The following RADIL variants were observed in gnomAD, a reference collection of about 807,000 sequenced individuals.
The protein encoded by RADIL is ras-associating and dilute domain-containing protein.
A neutral mutation model predicts 97.6 loss-of-function variants in RADIL; 99 were observed. The observed-to-expected ratio is 1.01, with a 90% CI of 0.86 to 1.20. The LOEUF is 1.20. RADIL is among the 50% of genes most tolerant of loss of function. The pLI is 0.00. For synonymous variants in RADIL, 803 were observed against 691.8 expected (o/e 1.16, Z -2.52); for missense variants, 1,765 against 1,498.9 (o/e 1.18, Z -2.93).
rs778783914 is a variant in RADIL at position 4,801,792 on chromosome 7, G to A, written c.2703C>T (p.Cys901=). The change falls in exon 12 of 15, where the codon TGC becomes TGT. Residue 901 remains cysteine, a synonymous_variant. Transcript: ENST00000399583. The part of the protein sequence containing the change: ...QAGPPHTDSS[C]LLTPPSTPLG... The stretch of plus-strand genomic sequence containing the variant: ...GTGGAGTGCTGGGAGGCGTGAGCAA[G>A]CAGGACGAGTCCGTGTGCGGGGGGC... 11 of 1,609,850 alleles carry A rather than the reference G, an allele frequency of 6.8e-6. No individual in the cohort carries two copies.
Position 4,842,002 on chromosome 7 carries a change from C to G in RADIL, c.536-5397G>C, listed in dbSNP as rs951171960. Among the ~76,000 whole-genome samples the G allele has an allele frequency of 1.3e-5, 2 of 151,696 alleles. No individual in the cohort carries two copies. Among genetic ancestry groups the G allele is most frequent in the African/African-American group, 4.8e-5 (2 of 41,264 alleles). On this transcript the variant is annotated intron_variant, in intron 2 of 14. Transcript: ENST00000399583. The surrounding 1 kb of genome is among the most constrained non-coding windows in gnomAD (Gnocchi z 4.5). ...CCCAGGAGGTCGAGGCTGCAGTGAG[C>G]TACGATCACGCCACCGCACTCCAGC...
At position 4,878,637 on chromosome 7, in the gene RADIL, C is replaced by T. The variant is rs1237687175; in HGVS notation, c.-64-434G>A. Among the ~76,000 whole-genome samples, 2 of 152,242 alleles carry T rather than the reference C, an allele frequency of 1.3e-5. No homozygotes were observed. The highest frequency in any genetic ancestry group is 2.9e-5 in the Non-Finnish European group (2 of 68,040). On this transcript the variant is annotated intron_variant, in intron 1 of 14. Coordinates refer to ENST00000399583, the MANE Select transcript of RADIL (RefSeq NM_018059.5). The surrounding 1 kb of genome is among the most constrained non-coding windows in gnomAD (Gnocchi z 4.1). ...GATGTGGCTGGAGCCTGCAGGGCCA[C>T]CAGAGACCGAGAGGACTAAACGGGC...
Position 4,816,395 on chromosome 7 carries a change from G to A in RADIL, c.1799C>T (p.Ser600Phe), listed in dbSNP as rs1782678900. 7 of 1,609,718 alleles carry A rather than the reference G, an allele frequency of 4.3e-6. No individual in the cohort carries two copies. The highest frequency in any genetic ancestry group is 5.9e-6 in the Non-Finnish European group (7 of 1,178,854). Residue 600 changes from serine (S) to phenylalanine (F), a missense_variant, in exon 8 of 15, where the codon TCC (serine) becomes TTC (phenylalanine). Coordinates refer to ENST00000399583, the MANE Select transcript of RADIL (RefSeq NM_018059.5). ...CTCCTCGGGCAGTTCGGGGGCCGAG[G>A]ACCAGCTCTCACGGCGCTCCGTCTG... is the stretch of plus-strand genomic sequence containing the variant. ...PFQTERRESW[S>F]SAPELPEELR...
At chr7:4,805,042 T>C (rs1036571893) in intron 10 of RADIL, among the ~76,000 whole-genome samples, 20 of 151,098 alleles carry the variant, frequency 1.3e-4, no homozygotes, top group Admixed American at 1.1e-3. Flanking sequence ...TGCAGTGAGC[T>C]GAGATTGCAC....
Position 4,799,683 on chromosome 7 carries a change from C to A in RADIL, c.3069G>T (p.Gly1023=). Residue 1023 remains glycine, a synonymous_variant, in exon 14 of 15, where the codon GGG becomes GGT. Transcript: ENST00000399583. ...TGCCATTCACCTCCAGGATACGGTC[C>A]CCCAGCGACAGGCGCCCGTCGGCCG... The part of the protein sequence containing the change: ...PAAADGRLSL[G]DRILEVNGSS... The A allele has an allele frequency of 6.3e-7, 1 of 1,589,948 alleles. No homozygotes were observed. Among genetic ancestry groups the A allele is most frequent in the Non-Finnish European group, 8.6e-7 (1 of 1,169,558 alleles).
chr7:4,861,143 A>T (rs778465552), intron 2 of RADIL: 1 of 1,614,276 alleles, frequency 6.2e-7, no homozygotes, highest in Admixed American at 1.7e-5. Context: ...TCTCAGAGTC[A>T]GCCTGAAGTT....
Position 4,818,795 on chromosome 7 carries a change from G to C in RADIL, c.1616-1444C>G, listed in dbSNP as rs1463212233. On this transcript the variant is annotated intron_variant, in intron 6 of 14. Transcript: ENST00000399583. The surrounding 1 kb of genome is among the most constrained non-coding windows in gnomAD (Gnocchi z 7.1). The stretch of plus-strand genomic sequence containing the variant: ...CACATCACTCCCTGGGCAGGGGCGG[G>C]GCACTGGTGGGAAGAGGGAAACGGG... Among the ~76,000 whole-genome samples the C allele has an allele frequency of 6.6e-6, 1 of 152,182 alleles. No homozygotes were observed. Among genetic ancestry groups the C allele is most frequent in the African/African-American group, 2.4e-5 (1 of 41,456 alleles).
intron 2 of RADIL, among the ~76,000 whole-genome samples, chr7:4,848,772 T>G (rs1263032792): frequency 1.3e-5 from 2 of 152,192 alleles, no homozygotes; most frequent in Non-Finnish European, 2.9e-5. Flanking sequence ...GTTCTCATTT[T>G]CCACTGAAGG....
chr7:4,850,951 C>G (rs529748853), intron 2 of RADIL, among the ~76,000 whole-genome samples: 26 of 152,240 alleles, frequency 1.7e-4, no homozygotes, highest in African/African-American at 6.0e-4. Flanking sequence ...CCTGGAATCC[C>G]AGCACTTTGG....
intron 2 of RADIL, among the ~76,000 whole-genome samples, chr7:4,876,775 G>T (rs946909695): frequency 6.6e-6 from 1 of 152,196 alleles, no homozygotes; most frequent in Non-Finnish European, 1.5e-5. Context: ...GCTGCCCGTG[G>T]CCAGGCCCTC....
Position 4,799,305 on chromosome 7 carries a change from G to A in RADIL, c.*73C>T, listed in dbSNP as rs568445079. 399 of 1,481,462 alleles carry A rather than the reference G, an allele frequency of 2.7e-4. 1 individual carries two copies. Among genetic ancestry groups the A allele is most frequent in the Non-Finnish European group, 3.2e-4 (339 of 1,067,028 alleles). The allele number at this position is 1,481,462 out of a possible 1,614,324, so 91.8% of individuals were successfully genotyped here. A position where few individuals can be genotyped will look rare whatever the true frequency, so the allele number is the denominator to read the frequency against. Reference sequence around the variant, plus strand: ...ACTTGGTCAGTTACAAAACAGGGACGAAGGCGGGAGGAAGCCCAGTGTCAC... The same window carrying A: ...ACTTGGTCAGTTACAAAACAGGGACAAAGGCGGGAGGAAGCCCAGTGTCAC... On this transcript the variant is annotated 3_prime_UTR_variant, in exon 15 of 15. Transcript: ENST00000399583.
intron 11 of RADIL, among the ~76,000 whole-genome samples, chr7:4,802,751 G>A (rs570321188): frequency 1.4e-4 from 13 of 92,944 alleles, no homozygotes; most frequent in Admixed American, 3.3e-4. Flanking sequence ...CCCCCTCCCC[G>A]GGCACCTCGG....
intron 2 of RADIL, among the ~76,000 whole-genome samples, chr7:4,844,636 C>T (rs528735036): frequency 4.6e-5 from 7 of 152,074 alleles, no homozygotes; most frequent in Non-Finnish European, 1.0e-4. Flanking sequence ...GAGGGTCTTG[C>T]TCTGTCACCC....
chr7:4,799,592 C>CT (rs777856070), intron 14 of RADIL, 38 bp downstream of exon 14: 19 of 1,606,672 alleles, frequency 1.2e-5, no homozygotes, highest in Non-Finnish European at 1.6e-5. Flanking sequence ...AGCAGGGCAT[C>CT]TGGGAGAAGG....
chr7:4,871,069 A>T (rs1020103134), intron 2 of RADIL, among the ~76,000 whole-genome samples: 1 of 152,246 alleles, frequency 6.6e-6, no homozygotes, highest in Non-Finnish European at 1.5e-5. Flanking sequence ...TTAAAGTTCA[A>T]TAACTTTTCT....
chr7:4,815,265 T>C lies in RADIL; in HGVS notation c.2139+13A>G. ...CCCTCCCCACACTCGCCGCCTCCCA[T>C]GCGCACCCCTACCTGGATGAGCTGG... On this transcript the variant is annotated intron_variant, in intron 9 of 14. Coordinates refer to ENST00000399583, the MANE Select transcript of RADIL (RefSeq NM_018059.5). This position sits in a 1 kb window ranked among gnomAD's most constrained non-coding sequence, Gnocchi z 8.0. 6.5e-7 allele frequency: 1 copy of C among 1,536,380 alleles called. No individual in the cohort carries two copies. Among genetic ancestry groups the C allele is most frequent in the Non-Finnish European group, 8.8e-7 (1 of 1,138,212 alleles).
At chr7:4,826,446 T>G (rs1782978737) in intron 5 of RADIL, among the ~76,000 whole-genome samples, 1 of 151,774 alleles carries the variant, frequency 6.6e-6, no homozygotes. Flanking sequence ...AAAAATCCAG[T>G]CAGAAGCCAG....
chr7:4,873,012 A>G lies in RADIL; in HGVS notation c.535+4593T>C, dbSNP rs1016451490. Among the ~76,000 whole-genome samples, 1 of 152,158 alleles carries G rather than the reference A, an allele frequency of 6.6e-6. No individual in the cohort carries two copies. The highest frequency in any genetic ancestry group is 2.4e-5 in the African/African-American group (1 of 41,428). On this transcript the variant is annotated intron_variant, in intron 2 of 14. Coordinates refer to ENST00000399583, the MANE Select transcript of RADIL (RefSeq NM_018059.5). The surrounding 1 kb of genome is among the most constrained non-coding windows in gnomAD (Gnocchi z 4.3). ...GAGTGCAGTGGTGCGATCTCAGCTC[A>G]CTGCAACCTCCGCCTCCTGGGTTCA...
Position 4,834,466 on chromosome 7 carries a change from G to T in RADIL, c.1416+141C>A. 9.6e-7 allele frequency: 1 copy of T among 1,038,760 alleles called. No homozygotes were observed. Among genetic ancestry groups the T allele is most frequent in the Non-Finnish European group, 1.2e-6 (1 of 812,488 alleles). The allele number at this position is 1,038,760 out of a possible 1,614,324, so 64.3% of individuals were successfully genotyped here. A position where few individuals can be genotyped will look rare whatever the true frequency, so the allele number is the denominator to read the frequency against. On this transcript the variant is annotated intron_variant, in intron 4 of 14. Transcript: ENST00000399583. This position sits in a 1 kb window ranked among gnomAD's most constrained non-coding sequence, Gnocchi z 6.0. ...GGGGCTGGGGGGCAGCGACAGGCAGGGAAAGGCCGCCCTGCGCTCAGCAGC... is the reference window on the plus strand; with the variant it reads ...GGGGCTGGGGGGCAGCGACAGGCAGTGAAAGGCCGCCCTGCGCTCAGCAGC...
Sources: allele counts gnomAD v4.1 joint callset (sites outside exome capture counted in the v4.1 genomes callset), GRCh38; gene constraint gnomAD v4.1.1; non-coding constraint Gnocchi (gnomAD v3.1); transcripts MANE v1.5; gene names NCBI Gene and HGNC (gene_info 2026-07-23, HGNC 2026-07-21).